The following RALGAPA1 variants were observed in gnomAD, a reference collection of about 807,000 sequenced individuals.
RALGAPA1 encodes Ral GTPase activating protein catalytic subunit alpha 1.
A neutral mutation model predicts 269.6 loss-of-function variants in RALGAPA1; 52 were observed. That is an observed-to-expected ratio of 0.19 (90% confidence interval 0.15 to 0.24). The LOEUF (loss-of-function observed/expected upper bound fraction) is 0.24. Ranked by LOEUF, RALGAPA1 falls within the 10% of genes least tolerant of loss-of-function variation. RALGAPA1 has a pLI of 1.00. For missense variants in RALGAPA1, 1,917 were observed against 3,013.9 expected (o/e 0.64, Z 8.52); for synonymous variants, 817 against 1,008.3 (o/e 0.81, Z 3.60).
intron 26 of RALGAPA1, among the ~76,000 whole-genome samples, chr14:35,667,518 T>G (rs1348576227): frequency 6.6e-6 from 1 of 152,228 alleles, no homozygotes; most frequent in Non-Finnish European, 1.5e-5. Context: ...CTTTAATGAT[T>G]TTGCCACTTA....
At chr14:35,801,953 A>C (rs2077007355) in intron 1 of RALGAPA1, among the ~76,000 whole-genome samples, 1 of 152,242 alleles carries the variant, frequency 6.6e-6, no homozygotes, top group African/African-American at 2.4e-5. Flanking sequence ...TTAGAAAGGA[A>C]GAAGTAAAAC....
At chr14:35,749,851 T>G (rs932674540) in intron 9 of RALGAPA1, among the ~76,000 whole-genome samples, 8 of 151,946 alleles carry the variant, frequency 5.3e-5, no homozygotes, top group African/African-American at 1.9e-4. Context: ...CACACATAGT[T>G]TAAGATTTTA....
At chr14:35,753,191 G>A (rs1450228765) in intron 7 of RALGAPA1, among the ~76,000 whole-genome samples, 1 of 152,160 alleles carries the variant, frequency 6.6e-6, no homozygotes, top group African/African-American at 2.4e-5. Flanking sequence ...ACAATTCAAA[G>A]GCATAGGATT....
chr14:35,721,583 C>A, intron 16 of RALGAPA1, 105 bp downstream of exon 16: 1 of 1,066,632 alleles, frequency 9.4e-7, no homozygotes, highest in Non-Finnish European at 1.3e-6. Flanking sequence ...TTTCATTTCA[C>A]AACAATAATC....
In RALGAPA1 at chr14:35,728,351, A is replaced by C. The variant is rs1395954356; in HGVS notation, c.1736+11T>G. On this transcript the variant is annotated intron_variant, in intron 13 of 41. Coordinates refer to ENST00000680220, the MANE Select transcript of RALGAPA1 (RefSeq NM_001346249.2). ...AAAACACATAGACATAAAGGATAAA[A>C]ATTTTTTTACCAAGTCTTTTTGTCC... is the stretch of plus-strand genomic sequence containing the variant. The C allele has an allele frequency of 1.3e-6, 2 of 1,546,358 alleles. No homozygotes were observed. The highest frequency in any genetic ancestry group is 1.7e-6 in the Non-Finnish European group (2 of 1,150,982).
intron 1 of RALGAPA1, among the ~76,000 whole-genome samples, chr14:35,781,957 A>G (rs2075464185): frequency 6.6e-6 from 1 of 152,176 alleles, no homozygotes. Context: ...ATTTAATATT[A>G]TACTGTAAAT....
rs906489970 is a variant in RALGAPA1, at chr14:35,715,862, T to C, written c.2266+5826A>G. 2.6e-5 allele frequency: 26 copies of C among 985,426 alleles called. No homozygotes were observed. In the African/African-American group the frequency reaches 4.5e-4, roughly 17 times the overall value. The allele number at this position is 985,426 out of a possible 1,614,324, so 61.0% of individuals were successfully genotyped here. A position where few individuals can be genotyped will look rare whatever the true frequency, so the allele number is the denominator to read the frequency against. ...GATCATCCCACTTTTCCAGTGTGCT[T>C]ACTGCTCATCACTCCATTTTCCACT... On this transcript the variant is annotated intron_variant, in intron 16 of 41. Transcript: ENST00000680220.
At chr14:35,745,370 A>G (rs781435499) in intron 10 of RALGAPA1, among the ~76,000 whole-genome samples, 4 of 152,042 alleles carry the variant, frequency 2.6e-5, no homozygotes, top group Non-Finnish European at 4.4e-5. Flanking sequence ...AAACAGACAT[A>G]TAGAGCAATG....
intron 39 of RALGAPA1, among the ~76,000 whole-genome samples, chr14:35,553,475 C>T (rs1283317841): frequency 6.6e-6 from 1 of 152,114 alleles, no homozygotes; most frequent in Non-Finnish European, 1.5e-5. Context: ...AGAAGCAACA[C>T]CTTTCGTTCT....
chr14:35,764,875 C>T (rs2074021131), intron 4 of RALGAPA1, among the ~76,000 whole-genome samples: 1 of 152,074 alleles, frequency 6.6e-6, no homozygotes, highest in Admixed American at 6.6e-5. Flanking sequence ...ATCAATTTGC[C>T]AGTGTTTTTC....
intron 41 of RALGAPA1, among the ~76,000 whole-genome samples, chr14:35,541,221 T>G (rs2053965810): frequency 6.6e-6 from 1 of 151,762 alleles, no homozygotes; most frequent in South Asian, 2.1e-4. Context: ...AATTTTTTTG[T>G]ATTTTAGTAG....
At chr14:35,775,942 T>A (rs1161347626) in intron 1 of RALGAPA1, among the ~76,000 whole-genome samples, 197 bp from the exon 2 acceptor site, 1 of 152,192 alleles carries the variant, frequency 6.6e-6, no homozygotes, top group Non-Finnish European at 1.5e-5. Flanking sequence ...GTTTTAATTT[T>A]AAAAACTGAT....
chr14:35,748,739 G>A lies in RALGAPA1; in HGVS notation c.1097C>T (p.Ser366Phe). 6.2e-7 allele frequency: 1 copy of A among 1,612,700 alleles called. No homozygotes were observed. The highest frequency in any genetic ancestry group is 8.5e-7 in the Non-Finnish European group (1 of 1,179,778). The change falls in exon 10 of 42, where the codon TCT becomes TTT. Residue 366 changes from serine (S) to phenylalanine (F), a missense_variant. By Grantham distance (155) the Ser-to-Phe change is radical. Coordinates refer to ENST00000680220, the MANE Select transcript of RALGAPA1 (RefSeq NM_001346249.2). ...KTDRTTEPEQ[S>F]HSNTSTLTER... ...CGTGAGAGTGCTTGTATTGGAATGAGACTGTTCGGGTTCTGTAGTTCTGTC... is the reference window on the plus strand; with the variant it reads ...CGTGAGAGTGCTTGTATTGGAATGAAACTGTTCGGGTTCTGTAGTTCTGTC...
At chr14:35,806,379 T>G (rs748878652) in intron 1 of RALGAPA1, among the ~76,000 whole-genome samples, 14 of 152,184 alleles carry the variant, frequency 9.2e-5, no homozygotes, top group African/African-American at 3.4e-4. Context: ...GGATAACAGC[T>G]TTAGAAATCA....
intron 16 of RALGAPA1, among the ~76,000 whole-genome samples, chr14:35,721,197 T>A (rs1394526254): frequency 6.6e-6 from 1 of 152,178 alleles, no homozygotes; most frequent in Non-Finnish European, 1.5e-5. Flanking sequence ...CATTTTTTGT[T>A]AAAAGCAGCA....
intron 35 of RALGAPA1, among the ~76,000 whole-genome samples, chr14:35,612,627 T>C (rs1260328581): frequency 3.3e-5 from 5 of 151,374 alleles, no homozygotes; most frequent in Non-Finnish European, 5.9e-5. Context: ...CAAGCTCCGC[T>C]TCCCAGGTTC....
At chr14:35,665,530 T>G (rs1259084689) in intron 26 of RALGAPA1, among the ~76,000 whole-genome samples, 1 of 152,196 alleles carries the variant, frequency 6.6e-6, no homozygotes, top group Non-Finnish European at 1.5e-5. Context: ...TCTATTCACA[T>G]AAATTAAGAA....
At chr14:35,666,001 G>A (rs1052366424) in intron 26 of RALGAPA1, among the ~76,000 whole-genome samples, 1 of 151,732 alleles carries the variant, frequency 6.6e-6, no homozygotes, top group Non-Finnish European at 1.5e-5. Flanking sequence ...GCAAGAATTG[G>A]ACTAGGTGTT....
chr14:35,803,694 C>G (rs1033030141), intron 1 of RALGAPA1, among the ~76,000 whole-genome samples: 13 of 150,810 alleles, frequency 8.6e-5, no homozygotes, highest in South Asian at 6.3e-4. Flanking sequence ...TGCAGTTGCA[C>G]AATCTTGGCT....
Sources: allele counts gnomAD v4.1 joint callset (sites outside exome capture counted in the v4.1 genomes callset), GRCh38; gene constraint gnomAD v4.1.1; transcripts MANE v1.5; gene names NCBI Gene and HGNC (gene_info 2026-07-23, HGNC 2026-07-21).